Variants in XPR1 observed in about 807,000 individuals in gnomAD.
XPR1 encodes the protein xenotropic and polytropic retrovirus receptor 1.
XPR1 carries 28 observed loss-of-function variants against 87.5 expected under a neutral mutation model. That is an observed-to-expected ratio of 0.32 (90% confidence interval 0.24 to 0.44). The LOEUF is 0.44. Among genes scored for constraint, XPR1 ranks in the 20% least tolerant of loss-of-function variants. The pLI is 1.00. For synonymous variants in XPR1, 300 were observed against 306.1 expected (o/e 0.98, Z 0.21); for missense variants, 559 against 862.3 (o/e 0.65, Z 4.41).
At chr1:180,777,976 G>C (rs1398107164) in intron 2 of XPR1, among the ~76,000 whole-genome samples, 2 of 151,986 alleles carry the variant, frequency 1.3e-5, no homozygotes, top group African/African-American at 4.8e-5. Flanking sequence ...AGGAGATCTT[G>C]TTTTTTTATT....
chr1:180,632,627 C>T (rs1412195388), intron 1 of XPR1, among the ~76,000 whole-genome samples: 1 of 152,256 alleles, frequency 6.6e-6, no homozygotes, highest in Admixed American at 6.5e-5. Flanking sequence ...CGCTAATCCC[C>T]TTCTCCCCAC....
At chr1:180,835,264 T>C (rs1459419790) in intron 10 of XPR1, among the ~76,000 whole-genome samples, 1 of 152,228 alleles carries the variant, frequency 6.6e-6, no homozygotes, top group Admixed American at 6.5e-5. Context: ...TGCCAAGATA[T>C]TTACAACTTA....
chr1:180,707,194 T>TA (rs1657588127), intron 2 of XPR1, among the ~76,000 whole-genome samples: 1 of 152,220 alleles, frequency 6.6e-6, no homozygotes, highest in African/African-American at 2.4e-5. Flanking sequence ...AATCATTTTT[T>TA]AAAAAACTTT....
At chr1:180,732,407 G>T (rs1175767799) in intron 2 of XPR1, among the ~76,000 whole-genome samples, 2 of 151,988 alleles carry the variant, frequency 1.3e-5, no homozygotes, top group East Asian at 3.9e-4. Context: ...TTACTGTTTT[G>T]TATTAGATAA....
chr1:180,665,916 A>G (rs1655944900), intron 1 of XPR1, among the ~76,000 whole-genome samples: 1 of 152,154 alleles, frequency 6.6e-6, no homozygotes, highest in Non-Finnish European at 1.5e-5. Flanking sequence ...ATGATGATTG[A>G]TGGAGGCTTC....
chr1:180,807,558 T>G (rs911369296), intron 6 of XPR1, among the ~76,000 whole-genome samples: 1 of 152,178 alleles, frequency 6.6e-6, no homozygotes, highest in African/African-American at 2.4e-5. Flanking sequence ...AATTAAAGAC[T>G]TGGATGAGAG....
rs115979618 is a variant in XPR1, at chr1:180,646,534, A to G, written c.69+14264A>G. ...TACAAAGCTGGCTTGGAGAATATGA[A>G]TCACCTGTTGCAATGAACCTATTAT... On this transcript the variant is annotated intron_variant, in intron 1 of 14. Transcript: ENST00000367590. 4.0e-3 allele frequency among the ~76,000 whole-genome samples: 605 copies of G among 152,290 alleles called. 2 individuals are homozygous for G. The highest frequency in any genetic ancestry group is 6.8e-3 in the Non-Finnish European group (463 of 68,008).
At chr1:180,853,646 C>T (rs1046383109) in intron 11 of XPR1, among the ~76,000 whole-genome samples, 1 of 151,582 alleles carries the variant, frequency 6.6e-6, no homozygotes, top group African/African-American at 2.4e-5. Flanking sequence ...CACACACACA[C>T]ACACACACAC....
chr1:180,685,087 G>A (rs977208700), intron 2 of XPR1, among the ~76,000 whole-genome samples: 28 of 152,004 alleles, frequency 1.8e-4, no homozygotes, highest in African/African-American at 6.8e-4. Flanking sequence ...AATGCTTCCA[G>A]TTTTTGCCCA....
intron 11 of XPR1, among the ~76,000 whole-genome samples, chr1:180,844,827 C>G (rs1043755763): frequency 1.1e-4 from 17 of 152,280 alleles, no homozygotes; most frequent in African/African-American, 4.1e-4. Context: ...CTGACAGAAA[C>G]AAGACCTATT....
At chr1:180,831,517 G>C (rs1159670476) in intron 9 of XPR1, among the ~76,000 whole-genome samples, 3 of 151,116 alleles carry the variant, frequency 2.0e-5, no homozygotes, top group Non-Finnish European at 4.4e-5. Context: ...ATCTACATTA[G>C]GTATTTCTCC....
At chr1:180,737,166 G>GT (rs1658754719) in intron 2 of XPR1, among the ~76,000 whole-genome samples, 1 of 152,142 alleles carries the variant, frequency 6.6e-6, no homozygotes, top group Non-Finnish European at 1.5e-5. Context: ...TATGTGGCAG[G>GT]GGTAGAAGGG....
In XPR1 at chr1:180,688,463, A is replaced by G. The variant is rs114919788; in HGVS notation, c.121+6052A>G. Among the ~76,000 whole-genome samples, 697 of 152,216 alleles carry G rather than the reference A, an allele frequency of 4.6e-3. 12 individuals are homozygous for G. Among genetic ancestry groups the G allele is most frequent in the African/African-American group, 0.016 (674 of 41,538 alleles). On this transcript the variant is annotated intron_variant, in intron 2 of 14. Transcript: ENST00000367590. ...CTTTTCTGCAGAAAGACTTGTAAAT[A>G]TAGAATACATGGCAGTAGATTAGGG...
intron 2 of XPR1, among the ~76,000 whole-genome samples, chr1:180,776,856 G>A (rs1229537228): frequency 6.6e-6 from 1 of 152,042 alleles, no homozygotes; most frequent in African/African-American, 2.4e-5. Flanking sequence ...TGTTATAAGT[G>A]AAAAGACTTT....
intron 2 of XPR1, among the ~76,000 whole-genome samples, chr1:180,779,975 T>G (rs1159765987): frequency 1.3e-5 from 2 of 152,210 alleles, no homozygotes; most frequent in Non-Finnish European, 2.9e-5. Flanking sequence ...TTTTCAGAGT[T>G]CATCCATGTT....
chr1:180,855,011 A>G (rs767535754), intron 11 of XPR1, among the ~76,000 whole-genome samples: 2 of 152,246 alleles, frequency 1.3e-5, no homozygotes, highest in Non-Finnish European at 2.9e-5. Flanking sequence ...CATAGCCTCA[A>G]TTCAGTTTGG....
intron 1 of XPR1, among the ~76,000 whole-genome samples, chr1:180,671,019 A>C (rs1329038178): frequency 6.6e-6 from 1 of 152,246 alleles, no homozygotes; most frequent in Non-Finnish European, 1.5e-5. Flanking sequence ...ACAGTAAAAA[A>C]AGGCAAAGAT....
chr1:180,726,837 T>C (rs114292495), intron 2 of XPR1, among the ~76,000 whole-genome samples: 2,369 of 152,258 alleles, frequency 0.016, 71 homozygotes, highest in African/African-American at 0.054. Flanking sequence ...TTATTTTTGT[T>C]TAAGTTGATA....
chr1:180,787,997 G>A, intron 3 of XPR1, 143 bp downstream of exon 3: 1 of 648,842 alleles, frequency 1.5e-6, no homozygotes, highest in East Asian at 2.7e-5. Context: ...CTTGAGCTGG[G>A]ATAAGAACAC....
Sources: gnomAD v4.1 joint callset for allele counts (sites outside exome capture counted in the v4.1 genomes callset) on GRCh38, gnomAD v4.1.1 for gene constraint, MANE v1.5 for transcripts, NCBI Gene and HGNC (gene_info 2026-07-23, HGNC 2026-07-21) for gene names.